The following SHOC1 variants were observed in gnomAD, a reference collection of about 807,000 sequenced individuals.
SHOC1 encodes the protein shortage in chiasmata 1, also known as protein shortage in chiasmata 1 ortholog.
In SHOC1, 136 loss-of-function variants were observed where a neutral mutation model predicts 179.2. That is an observed-to-expected ratio of 0.76 (90% CI 0.66 to 0.87). The LOEUF (loss-of-function observed/expected upper bound fraction) is 0.87, where lower values mean the gene tolerates loss of function less well. SHOC1 is among the 40% of genes least tolerant of loss of function. The pLI, the probability that SHOC1 is intolerant of heterozygous loss-of-function variation, is 0.00. For missense variants in SHOC1, 1,538 were observed against 1,700.8 expected (o/e 0.90, Z 1.68); for synonymous variants, 489 against 586.6 (o/e 0.83, Z 2.41).
intron 1 of SHOC1, among the ~76,000 whole-genome samples, chr9:111,794,564 A>T (rs1003695154): frequency 2.0e-5 from 3 of 152,190 alleles, no homozygotes; most frequent in African/African-American, 7.2e-5. Context: ...AGCCTGGGCA[A>T]CAGAGCGAGA....
intron 12 of SHOC1, among the ~76,000 whole-genome samples, chr9:111,736,062 T>C (rs553641861): frequency 6.6e-6 from 1 of 152,258 alleles, no homozygotes; most frequent in Non-Finnish European, 1.5e-5. Context: ...AAAGAAATCA[T>C]AGATGACACA....
intron 8 of SHOC1, among the ~76,000 whole-genome samples, chr9:111,754,270 A>G (rs75389722): frequency 2.8e-3 from 433 of 152,282 alleles, no homozygotes; most frequent in African/African-American, 0.01. Flanking sequence ...CTCAATAATA[A>G]AAAGAAAAAT....
intron 10 of SHOC1, among the ~76,000 whole-genome samples, chr9:111,745,096 A>G (rs1173536855): frequency 6.6e-6 from 1 of 152,188 alleles, no homozygotes; most frequent in Non-Finnish European, 1.5e-5. Context: ...AGAGGTGAAC[A>G]AGGTCAGTGG....
Position 111,686,808 on chromosome 9 carries a change from C to T in SHOC1, c.4489G>A (p.Gly1497Ser). ...KRRLAYEKVP[G>S]RVDGQTRLRF... ...AGCCGAGTCTGCCCATCAACTCTAC[C>T]AGGGACTTTTTCATATGCTAGACGT... Residue 1497 changes from glycine to serine, a missense_variant, in exon 28 of 28, where the codon GGT (glycine) becomes AGT (serine). Gly to Ser is a moderately conservative substitution (Grantham distance 56). Coordinates refer to ENST00000682961, the MANE Select transcript of SHOC1 (RefSeq NM_001378211.1). 6.2e-7 allele frequency: 1 copy of T among 1,613,746 alleles called. No homozygotes were observed. The highest frequency in any genetic ancestry group is 8.5e-7 in the Non-Finnish European group (1 of 1,179,742).
At chr9:111,693,322 A>G (rs2131314329) in intron 26 of SHOC1, among the ~76,000 whole-genome samples, 1 of 143,546 alleles carries the variant, frequency 7.0e-6, no homozygotes, top group Admixed American at 6.9e-5. Flanking sequence ...AAAGAAAAAA[A>G]TACTGTAATC....
At chr9:111,718,064 G>C in intron 16 of SHOC1, 120 bp downstream of exon 16, 1 of 622,476 alleles carries the variant, frequency 1.6e-6, no homozygotes. Flanking sequence ...GTAATGCTTA[G>C]TATAATAGAA....
At chr9:111,721,201 C>T (rs373778541) in intron 15 of SHOC1, among the ~76,000 whole-genome samples, 79 of 152,294 alleles carry the variant, frequency 5.2e-4, no homozygotes, top group East Asian at 2.9e-3. Context: ...CTATGAATTA[C>T]GAGTTTTTCT....
In SHOC1 at chr9:111,691,843, T is replaced by C; in HGVS notation, c.4134A>G (p.Ala1378=). The C allele has an allele frequency of 1.9e-6, 3 of 1,613,784 alleles. No homozygotes were observed. Among genetic ancestry groups the C allele is most frequent in the Non-Finnish European group, 2.5e-6 (3 of 1,179,944 alleles). The change falls in exon 27 of 28, where the codon GCA becomes GCG. Residue 1378 remains alanine, a synonymous_variant. Coordinates refer to ENST00000682961, the MANE Select transcript of SHOC1 (RefSeq NM_001378211.1). Reference sequence around the variant, plus strand: ...ACAATTTGTTACATGCAGTCTGCTGTGCACCATATTGTAAGTTGAACGGGT... The same window carrying C: ...ACAATTTGTTACATGCAGTCTGCTGCGCACCATATTGTAAGTTGAACGGGT... ...ENHPFNLQYG[A]QQTACNKLYS... is the part of the protein sequence containing the mutation.
chr9:111,729,888 C>CA (rs34638806), intron 12 of SHOC1, among the ~76,000 whole-genome samples: 31,804 of 141,878 alleles, frequency 0.22, 4,925 homozygotes, highest in African/African-American at 0.44. Context: ...GACTTGGTCT[C>CA]AAAAAAAAAA....
At chr9:111,788,391 C>A (rs897634638) in intron 2 of SHOC1, among the ~76,000 whole-genome samples, 1 of 152,088 alleles carries the variant, frequency 6.6e-6, no homozygotes, top group African/African-American at 2.4e-5. Flanking sequence ...AGGTGATCTG[C>A]CCGCCTCAGC....
intron 2 of SHOC1, among the ~76,000 whole-genome samples, chr9:111,789,796 G>A (rs1461367106): frequency 6.6e-6 from 1 of 152,194 alleles, no homozygotes; most frequent in Non-Finnish European, 1.5e-5. Context: ...AATTTTGCAA[G>A]TGGCCAATAC....
chr9:111,773,296 ATTTAT>A (rs887495361), intron 5 of SHOC1, among the ~76,000 whole-genome samples: 32 of 152,088 alleles, frequency 2.1e-4, no homozygotes, highest in Admixed American at 3.9e-4. Context: ...ATGCAACTTT[ATTTAT>A]TTTATTTTAT....
intron 24 of SHOC1, 101 bp downstream of exon 24, chr9:111,699,853 A>G: frequency 4.7e-6 from 3 of 633,466 alleles, no homozygotes. Context: ...AACAGTTTTT[A>G]ATTCATTTGC....
chr9:111,740,784 C>G (rs1306746713), intron 11 of SHOC1, among the ~76,000 whole-genome samples: 3 of 152,160 alleles, frequency 2.0e-5, no homozygotes, highest in Admixed American at 6.5e-5. Context: ...GTTGGCCAGA[C>G]TGGTCTCGAA....
chr9:111,705,927 A>T (rs540706322), intron 20 of SHOC1, among the ~76,000 whole-genome samples: 1 of 152,218 alleles, frequency 6.6e-6, no homozygotes, highest in African/African-American at 2.4e-5. Context: ...ATAAACCATT[A>T]TGGTGACCGT....
chr9:111,690,813 A>G (rs988671955), intron 27 of SHOC1, among the ~76,000 whole-genome samples: 2 of 152,218 alleles, frequency 1.3e-5, no homozygotes, highest in Non-Finnish European at 2.9e-5. Flanking sequence ...AACAAAAAAT[A>G]CAAGATTTTC....
chr9:111,712,616 G>A (rs895389443), intron 18 of SHOC1, among the ~76,000 whole-genome samples: 5 of 152,196 alleles, frequency 3.3e-5, no homozygotes, highest in African/African-American at 1.2e-4. Flanking sequence ...AGGGGCAGTA[G>A]TGGGTAGAAA....
intron 3 of SHOC1, among the ~76,000 whole-genome samples, chr9:111,782,449 T>G (rs1018115661): frequency 1.3e-5 from 2 of 152,324 alleles, no homozygotes; most frequent in Non-Finnish European, 2.9e-5. Context: ...TTAGGTTCCA[T>G]AGCCAGTCCC....
intron 12 of SHOC1, among the ~76,000 whole-genome samples, chr9:111,728,777 A>T (rs960665136): frequency 8.5e-5 from 13 of 152,112 alleles, no homozygotes; most frequent in African/African-American, 3.1e-4. Flanking sequence ...TATATTAAAA[A>T]CCATGGAATG....
Sources: gnomAD v4.1 joint callset for allele counts (sites outside exome capture counted in the v4.1 genomes callset) on GRCh38, gnomAD v4.1.1 for gene constraint, MANE v1.5 for transcripts, NCBI Gene and HGNC (gene_info 2026-07-23, HGNC 2026-07-21) for gene names.